The following PGBD1 variants were observed in gnomAD, a reference collection of about 807,000 sequenced individuals.
The protein encoded by PGBD1 is piggyBac transposable element-derived protein 1.
PGBD1 carries 25 observed loss-of-function variants against 34.7 expected under a neutral mutation model. That is an observed-to-expected ratio of 0.72 (90% CI 0.52 to 1.00). The LOEUF (loss-of-function observed/expected upper bound fraction) is 1.00, where lower values mean the gene tolerates loss of function less well. Among genes scored for constraint, PGBD1 ranks in the 50% least tolerant of loss-of-function variants. The probability of loss-of-function intolerance (pLI) is 0.00; values close to 1 mark genes in which losing one functional copy is unlikely to be tolerated. For synonymous variants in PGBD1, 292 were observed against 335.7 expected, an observed-to-expected ratio of 0.87 and a Z score of 1.42; for missense variants, 830 against 959.4, an observed-to-expected ratio of 0.87 and a Z score of 1.78.
Position 28,301,733 on chromosome 6 carries a change from G to A in PGBD1, c.1879G>A (p.Asp627Asn). ...RGQYPYHLCF[D>N]SFFTSVKLLS... is the part of the protein sequence containing the mutation. The stretch of plus-strand genomic sequence containing the variant: ...TCAGTATCCCTATCACCTGTGTTTT[G>A]ATAGCTTCTTTACAAGTGTCAAATT... Residue 627 changes from aspartate to asparagine, a missense_variant, in exon 7 of 7, where the codon GAT becomes AAT. Asp to Asn is a conservative substitution (Grantham distance 23, BLOSUM62 1). Transcript: ENST00000682144. 2 of 1,614,140 alleles carry A rather than the reference G, an allele frequency of 1.2e-6. No homozygotes were observed. The highest frequency in any genetic ancestry group is 1.7e-6 in the Non-Finnish European group (2 of 1,180,012).
intron 6 of PGBD1, among the ~76,000 whole-genome samples, chr6:28,299,862 A>G (rs1762770361): frequency 6.6e-6 from 1 of 151,952 alleles, no homozygotes; most frequent in African/African-American, 2.4e-5. Context: ...TTAGTTGGGC[A>G]TGGTGGCACG....
At chr6:28,291,808 C>G (rs1762464004) in intron 4 of PGBD1, among the ~76,000 whole-genome samples, 1 of 152,172 alleles carries the variant, frequency 6.6e-6, no homozygotes, top group African/African-American at 2.4e-5. Flanking sequence ...ATATGCAAAT[C>G]AATAAATGTG....
In PGBD1 at chr6:28,301,687, T is replaced by G. The variant is rs763825274; in HGVS notation, c.1833T>G (p.Ala611=). The G allele has an allele frequency of 6.2e-7, 1 of 1,614,072 alleles. No individual in the cohort carries two copies. The highest frequency in any genetic ancestry group is 1.3e-5 in the African/African-American group (1 of 74,930). The part of the protein sequence containing the change: ...GLGGNLVMNF[A]DVLLERGQYP... ...GTGGAAATCTAGTGATGAACTTCGC[T>G]GATGTTCTTTTAGAGAGAGGTCAGT... The change falls in exon 7 of 7, where the codon GCT becomes GCG. Residue 611 remains alanine, a synonymous_variant. Transcript: ENST00000682144.
intron 2 of PGBD1, among the ~76,000 whole-genome samples, chr6:28,284,720 T>C (rs72854506): frequency 0.035 from 5,346 of 152,208 alleles, 134 homozygotes; most frequent in Non-Finnish European, 0.053. Flanking sequence ...GGGGTCTCAC[T>C]ATATTGCCCA....
chr6:28,291,222 AAGG>A (rs1267739490), intron 4 of PGBD1, among the ~76,000 whole-genome samples: 2 of 151,790 alleles, frequency 1.3e-5, no homozygotes, highest in Non-Finnish European at 2.9e-5. Flanking sequence ...ACAAACAAAA[AAGG>A]AGAAGACCCA....
intron 3 of PGBD1, 74 bp from the exon 4 acceptor site, chr6:28,287,006 A>G: frequency 1.8e-6 from 2 of 1,112,722 alleles, no homozygotes; most frequent in Non-Finnish European, 1.4e-6. Context: ...TTGGGGGAAA[A>G]GGCTGGGTCT....
chr6:28,297,088 G>A, intron 5 of PGBD1, 143 bp downstream of exon 5: 1 of 872,438 alleles, frequency 1.1e-6, no homozygotes, highest in African/African-American at 1.7e-5. Context: ...CAGACTTCTA[G>A]CCCTTATCAC....
At chr6:28,293,741 T>C (rs1762541669) in intron 4 of PGBD1, among the ~76,000 whole-genome samples, 2 of 152,220 alleles carry the variant, frequency 1.3e-5, no homozygotes. Context: ...GTTTAAAATG[T>C]CAGACCTAAT....
At chr6:28,291,862 T>C (rs1035782694) in intron 4 of PGBD1, among the ~76,000 whole-genome samples, 6 of 152,256 alleles carry the variant, frequency 3.9e-5, no homozygotes, top group African/African-American at 1.4e-4. Context: ...CATATGATTA[T>C]TTCAATAGAT....
At chr6:28,285,237 G>T (rs1047589116) in intron 2 of PGBD1, among the ~76,000 whole-genome samples, 1 of 152,150 alleles carries the variant, frequency 6.6e-6, no homozygotes, top group Non-Finnish European at 1.5e-5. Context: ...GTGATGATTT[G>T]TCCCATTACT....
At chr6:28,285,455 G>T in intron 2 of PGBD1, 96 bp from the exon 3 acceptor site, 1 of 1,295,374 alleles carries the variant, frequency 7.7e-7, no homozygotes, top group South Asian at 1.7e-5. Flanking sequence ...TTTCTGCCTT[G>T]TTTGCTGCTG....
At chr6:28,293,685 T>C (rs1175475309) in intron 4 of PGBD1, among the ~76,000 whole-genome samples, 1 of 152,218 alleles carries the variant, frequency 6.6e-6, no homozygotes, top group Non-Finnish European at 1.5e-5. Context: ...TCAGTTATTT[T>C]TGATGTTACT....
intron 1 of PGBD1, among the ~76,000 whole-genome samples, chr6:28,282,466 T>C (rs1269810199): frequency 1.3e-5 from 2 of 152,154 alleles, no homozygotes; most frequent in Non-Finnish European, 2.9e-5. Flanking sequence ...CAACTGTGCT[T>C]TAGGGAATAT....
chr6:28,300,917 C>G lies in PGBD1; in HGVS notation c.1063C>G (p.Gln355Glu). The change falls in exon 7 of 7, where the codon CAA (glutamine) becomes GAA (glutamate). Residue 355 changes from glutamine to glutamate, a missense_variant. Gln to Glu is a conservative substitution (Grantham distance 29). Transcript: ENST00000682144. This position sits in a 1 kb window ranked among gnomAD's most constrained non-coding sequence, Gnocchi z 4.0. ...KDKARVSELL[Q>E]GLSFSGDSDV... The stretch of plus-strand genomic sequence containing the variant: ...CAAAGCTCGAGTGAGTGAACTGCTC[C>G]AAGGCCTCTCATTCTCTGGTGACTC... The G allele has an allele frequency of 6.2e-7, 1 of 1,614,094 alleles. No individual in the cohort carries two copies. Among genetic ancestry groups the G allele is most frequent in the South Asian group, 1.1e-5 (1 of 91,084 alleles).
At chr6:28,285,255 T>A (rs1762252133) in intron 2 of PGBD1, among the ~76,000 whole-genome samples, 2 of 152,194 alleles carry the variant, frequency 1.3e-5, no homozygotes, top group South Asian at 2.1e-4. Flanking sequence ...ACTGATGAGG[T>A]TATGGTGGTA....
In PGBD1 at chr6:28,301,183, T is replaced by G; in HGVS notation, c.1329T>G (p.Ala443=). 2 of 1,614,178 alleles carry G rather than the reference T, an allele frequency of 1.2e-6. No individual in the cohort carries two copies. The highest frequency in any genetic ancestry group is 1.7e-6 in the Non-Finnish European group (2 of 1,180,036). Residue 443 remains alanine (A), a synonymous_variant, in exon 7 of 7, where the codon GCT becomes GCG. Transcript: ENST00000682144. ...NLIVNETNNY[A]SQKNVSLEVT... ...TTGTCAATGAAACCAATAATTATGC[T>G]TCTCAGAAAAATGTCAGCTTGGAAG...
At chr6:28,293,871 ATAC>A (rs1442047364) in intron 4 of PGBD1, among the ~76,000 whole-genome samples, 2 of 152,194 alleles carry the variant, frequency 1.3e-5, no homozygotes, top group African/African-American at 2.4e-5. Context: ...GCCATTTATA[ATAC>A]TACTACTACA....
chr6:28,294,989 A>G (rs1762583078), intron 4 of PGBD1, among the ~76,000 whole-genome samples: 1 of 152,136 alleles, frequency 6.6e-6, no homozygotes, highest in African/African-American at 2.4e-5. Flanking sequence ...TAAATTAAAA[A>G]CCTTCTGGAA....
intron 4 of PGBD1, 101 bp from the exon 5 acceptor site, chr6:28,296,715 G>A (rs1762645284): frequency 3.0e-6 from 4 of 1,354,884 alleles, no homozygotes; most frequent in Non-Finnish European, 3.0e-6. Context: ...GCCCTGAGGG[G>A]CTGGGACTAC....
Sources: gnomAD v4.1 joint callset for allele counts (sites outside exome capture counted in the v4.1 genomes callset) on GRCh38, gnomAD v4.1.1 for gene constraint, Gnocchi (gnomAD v3.1) non-coding constraint, MANE v1.5 for transcripts, NCBI Gene and HGNC (gene_info 2026-07-23, HGNC 2026-07-21) for gene names.